The following ANKRD36C variants were observed in gnomAD, a reference collection of about 807,000 sequenced individuals.
ANKRD36C encodes the protein ankyrin repeat domain-containing protein 36C.
A neutral mutation model predicts 276.4 loss-of-function variants in ANKRD36C; 61 were observed. That is an observed-to-expected ratio of 0.22 (90% CI 0.18 to 0.27). The LOEUF (loss-of-function observed/expected upper bound fraction) is 0.27. Ranked by LOEUF, ANKRD36C falls within the 10% of genes least tolerant of loss-of-function variation. ANKRD36C has a pLI of 1.00. For synonymous variants in ANKRD36C, 483 were observed against 680.1 expected (o/e 0.71, Z 4.51); for missense variants, 1,447 against 2,032.3 (o/e 0.71, Z 5.54).
chr2:95,888,428 G>C, intron 48 of ANKRD36C, among the ~76,000 whole-genome samples: 1 of 151,698 alleles, frequency 6.6e-6, no homozygotes. Context: ...TCTAAAATCA[G>C]AGGAGCAACT....
At chr2:95,885,384 A>G (rs1217772140) in intron 52 of ANKRD36C, among the ~76,000 whole-genome samples, 2 of 151,886 alleles carry the variant, frequency 1.3e-5, no homozygotes. Context: ...TAACAGTAAC[A>G]AAGAGGAGTA....
intron 59 of ANKRD36C, among the ~76,000 whole-genome samples, chr2:95,870,519 C>T (rs190403700): frequency 1.3e-5 from 2 of 152,254 alleles, no homozygotes; most frequent in Admixed American, 1.3e-4. Context: ...ATCTGTACAT[C>T]ACCATCATCA....
chr2:95,855,617 C>A (rs1266905616), exon 63 of ANKRD36C: 6 of 1,610,756 alleles, frequency 3.7e-6, no homozygotes, highest in Admixed American at 1.7e-5. Flanking sequence ...GCTCACTTTG[C>A]ACGTGTTCAA....
intron 64 of ANKRD36C, chr2:95,852,437 A>T: frequency 2.2e-6 from 1 of 459,260 alleles, no homozygotes; most frequent in Non-Finnish European, 3.9e-6. Context: ...CTGTAACTGC[A>T]GGGCTGAGTT....
At chr2:95,897,401 T>C (rs779227647) in intron 44 of ANKRD36C, 36 bp downstream of exon 59, 1 of 1,546,172 alleles carries the variant, frequency 6.5e-7, no homozygotes, top group Non-Finnish European at 8.8e-7. Flanking sequence ...AGACTATACA[T>C]TTACTAGTTC....
intron 34 of ANKRD36C, 112 bp downstream of exon 34, chr2:95,921,495 A>G: frequency 1.4e-6 from 2 of 1,409,514 alleles, no homozygotes; most frequent in Non-Finnish European, 1.9e-6. Context: ...ACTGAATCAG[A>G]ATGTGCAGCT....
At chr2:95,931,694 T>C (rs1677575425) in intron 24 of ANKRD36C, among the ~76,000 whole-genome samples, 1 of 147,848 alleles carries the variant, frequency 6.8e-6, no homozygotes, top group Admixed American at 6.9e-5. Flanking sequence ...TGACATAATT[T>C]TTTGCAGGTA....
chr2:95,948,964 A>T (rs1486585370), intron 16 of ANKRD36C, among the ~76,000 whole-genome samples: 1 of 152,192 alleles, frequency 6.6e-6, no homozygotes, highest in Non-Finnish European at 1.5e-5. Flanking sequence ...ATCTGTCACA[A>T]CTTTTGTTAC....
In ANKRD36C at chr2:95,903,047, C is replaced by G; in HGVS notation, c.2654-3711G>C. On this transcript the variant is annotated intron_variant, in intron 42 of 66. Coordinates refer to ENST00000456556, the Ensembl canonical transcript of ANKRD36C. ...TAGTTCACAATATAAATGACAGTTT[C>G]ATTACCTTCAAGCCTGGTGGTTGCT... The G allele has an allele frequency of 1.9e-6, 3 of 1,570,286 alleles. 1 individual carries two copies. Among genetic ancestry groups the G allele is most frequent in the Non-Finnish European group, 2.6e-6 (3 of 1,156,668 alleles).
At chr2:95,853,776 C>G (rs755322856) in exon 64 of ANKRD36C, 7 of 1,603,930 alleles carry the variant, frequency 4.4e-6, no homozygotes. Context: ...GATGCAGTGA[C>G]GCGATGAAGC....
chr2:95,896,731 G>T (rs1214511847), intron 44 of ANKRD36C, among the ~76,000 whole-genome samples: 1 of 146,226 alleles, frequency 6.8e-6, no homozygotes, highest in African/African-American at 2.5e-5. Context: ...TGCATCTGAA[G>T]TGAGTTCACT....
At position 95,923,693 on chromosome 2, in the gene ANKRD36C, A is replaced by T. The variant is rs986739997; in HGVS notation, c.2042-4T>A. The T allele has an allele frequency of 1.1e-5, 17 of 1,610,190 alleles. No homozygotes were observed. Among genetic ancestry groups the T allele is most frequent in the Admixed American group, 3.3e-5 (2 of 59,728 alleles). On this transcript the variant is annotated splice_polypyrimidine_tract_variant and splice_region_variant and intron_variant, in intron 30 of 66. Coordinates refer to ENST00000456556, the Ensembl canonical transcript of ANKRD36C. ...GGTGGTTGTTTCTGAGAAGACACTG[A>T]AAAGCAAAAGGGATACATAATCACT...
At chr2:95,990,172 A>G (rs1439579880) in intron 1 of ANKRD36C, among the ~76,000 whole-genome samples, 2 of 152,194 alleles carry the variant, frequency 1.3e-5, no homozygotes, top group African/African-American at 4.8e-5. Flanking sequence ...AAAGTTTTTA[A>G]TCTACATTCC....
At chr2:95,921,583 A>G in intron 34 of ANKRD36C, 24 bp downstream of exon 34, 1 of 1,596,888 alleles carries the variant, frequency 6.3e-7, no homozygotes, top group Non-Finnish European at 8.5e-7. Flanking sequence ...TGAACATGAC[A>G]TTAAATGTCT....
At chr2:95,849,848 G>A (rs548944192), downstream of ANKRD36C, among the ~76,000 whole-genome samples, 5 of 152,220 alleles carry the variant, frequency 3.3e-5, no homozygotes, top group South Asian at 2.1e-4. Context: ...TGTGAGCAAC[G>A]GGCAGTGGCT....
At chr2:95,927,085 C>G in intron 28 of ANKRD36C, 129 bp downstream of exon 28, 1 of 1,351,768 alleles carries the variant, frequency 7.4e-7, no homozygotes, top group Non-Finnish European at 1.0e-6. Context: ...CACCTGAGAA[C>G]TGAAGAATCT....
intron 44 of ANKRD36C, 98 bp from the exon 65 acceptor site, chr2:95,891,958 T>C (rs1676376337): frequency 6.5e-7 from 1 of 1,531,104 alleles, no homozygotes; most frequent in East Asian, 2.5e-5. Context: ...TCCTCCTGCC[T>C]GTATTAGCGT....
At chr2:95,862,923 C>T (rs542085946) in intron 60 of ANKRD36C, among the ~76,000 whole-genome samples, 33 of 151,946 alleles carry the variant, frequency 2.2e-4, no homozygotes, top group South Asian at 1.0e-3. Flanking sequence ...ACACCAAACA[C>T]GACAGCATCT....
intron 6 of ANKRD36C, among the ~76,000 whole-genome samples, chr2:95,963,924 AC>A (rs1381145850): frequency 8.1e-6 from 1 of 123,850 alleles, no homozygotes; most frequent in Non-Finnish European, 1.6e-5. Flanking sequence ...TTAATAACCA[AC>A]CAAATATATA....
Sources: gnomAD v4.1 joint callset for allele counts (sites outside exome capture counted in the v4.1 genomes callset) on GRCh38, gnomAD v4.1.1 for gene constraint, MANE v1.5 for transcripts, NCBI Gene and HGNC (gene_info 2026-07-23, HGNC 2026-07-21) for gene names.